BTNL8: variants seen among roughly 807,000 people sequenced by gnomAD.
The protein encoded by BTNL8 is butyrophilin-like protein 8.
BTNL8 carries 22 observed loss-of-function variants against 36.1 expected under a neutral mutation model. The ratio of observed to expected loss-of-function variants is 0.61; its 90% CI spans 0.44 to 0.87. The LOEUF (loss-of-function observed/expected upper bound fraction) is 0.87. Among genes scored for constraint, BTNL8 ranks in the 40% least tolerant of loss-of-function variants. The pLI, the probability that BTNL8 is intolerant of heterozygous loss-of-function variation, is 0.00. For synonymous variants in BTNL8, 203 were observed against 235.6 expected, an observed-to-expected ratio of 0.86 and a Z score of 1.27; for missense variants, 526 against 616.9, an observed-to-expected ratio of 0.85 and a Z score of 1.56.
At chr5:180,923,670 TG>T (rs1177725194) in intron 3 of BTNL8, among the ~76,000 whole-genome samples, 2 of 151,726 alleles carry the variant, frequency 1.3e-5, no homozygotes, top group Non-Finnish European at 2.9e-5. Flanking sequence ...AGAAAGAAAG[TG>T]AAAAAAGAAT....
chr5:180,931,592 G>A (rs1002271819), intron 3 of BTNL8, among the ~76,000 whole-genome samples: 7 of 151,714 alleles, frequency 4.6e-5, no homozygotes, highest in Non-Finnish European at 8.8e-5. Flanking sequence ...GAATCTACAA[G>A]AACTTAAACA....
At chr5:180,900,543 G>C (rs185551139) in intron 1 of BTNL8, among the ~76,000 whole-genome samples, 1 of 152,188 alleles carries the variant, frequency 6.6e-6, no homozygotes, top group Non-Finnish European at 1.5e-5. Flanking sequence ...AGGGCTGGCC[G>C]GAGAAATGGA....
At chr5:180,916,079 G>T (rs1265904338) in intron 3 of BTNL8, among the ~76,000 whole-genome samples, 1 of 152,204 alleles carries the variant, frequency 6.6e-6, no homozygotes, top group Non-Finnish European at 1.5e-5. Flanking sequence ...GGGCCTTCTA[G>T]TTGTGTAATT....
In BTNL8 at chr5:180,906,619, G is replaced by T. The variant is rs1352362025; in HGVS notation, c.50-1967G>T. 3.3e-5 allele frequency among the ~76,000 whole-genome samples: 4 copies of T among 119,718 alleles called. 1 individual carries two copies. Among genetic ancestry groups the T allele is most frequent in the Non-Finnish European group, 6.6e-5 (4 of 60,292 alleles). 78.5% of individuals were successfully genotyped at this position (119,718 alleles called of 152,430 possible). On this transcript the variant is annotated intron_variant, in intron 1 of 7. Transcript: ENST00000340184. ...GTTGATGCAGTTTCTTCCTACTCTC[G>T]ATGGTCTTTACATTTTGGCATGATT... is the stretch of plus-strand genomic sequence containing the variant.
intron 3 of BTNL8, among the ~76,000 whole-genome samples, chr5:180,942,011 G>A (rs957667963): frequency 5.3e-5 from 8 of 151,726 alleles, no homozygotes; most frequent in African/African-American, 1.9e-4. Context: ...AATTGTCCCT[G>A]TTTGCAGACA....
At chr5:180,912,219 G>A (rs1757433033) in intron 3 of BTNL8, among the ~76,000 whole-genome samples, 2 of 152,098 alleles carry the variant, frequency 1.3e-5, no homozygotes, top group South Asian at 4.1e-4. Flanking sequence ...GACACCATTG[G>A]CTCTTCTGGT....
At chr5:180,899,387 C>G (rs142738070) in intron 1 of BTNL8, 28 bp downstream of exon 1, 12 of 1,599,654 alleles carry the variant, frequency 7.5e-6, no homozygotes, top group Non-Finnish European at 1.0e-5. Context: ...TTCCTCCTTA[C>G]TAACTAACAG....
intron 3 of BTNL8, among the ~76,000 whole-genome samples, chr5:180,946,808 A>C (rs1284414341): frequency 5.9e-5 from 9 of 152,200 alleles, no homozygotes; most frequent in Non-Finnish European, 4.4e-5. Context: ...TGGATGTCTT[A>C]ATTAGCTTGA....
Position 180,947,533 on chromosome 5 carries a change from C to A in BTNL8, c.695C>A (p.Ser232Ter), listed in dbSNP as rs368136851. 4.2e-5 allele frequency: 67 copies of A among 1,613,684 alleles called. No individual in the cohort carries two copies. Among genetic ancestry groups the A allele is most frequent in the Non-Finnish European group, 5.5e-5 (65 of 1,179,700 alleles). Reference protein sequence around the residue: ...QIGDTFFEPISWHLATKVLGI... With the variant: ...QIGDTFFEPI ...TCAGATACCTTTTTCGAGCCTATAT[C>A]GTGGCACCTGGCTACCAAAGTACTG... Residue 232 changes from serine to a stop codon, truncating the protein, a stop_gained, in exon 4 of 8, where the codon TCG becomes TAG. Coordinates refer to ENST00000340184, the MANE Select transcript of BTNL8 (RefSeq NM_001040462.3). LOFTEE classifies it high-confidence loss of function.
At chr5:180,929,811 G>A (rs1211042067) in intron 3 of BTNL8, among the ~76,000 whole-genome samples, 1 of 152,144 alleles carries the variant, frequency 6.6e-6, no homozygotes, top group African/African-American at 2.4e-5. Context: ...CTGAAATTCA[G>A]GCAGTAACTA....
chr5:180,910,432 T>C (rs1418508730), intron 2 of BTNL8, among the ~76,000 whole-genome samples: 1 of 152,110 alleles, frequency 6.6e-6, no homozygotes, highest in Admixed American at 6.5e-5. Context: ...CTCACAGACT[T>C]CCTGCTTATC....
intron 3 of BTNL8, among the ~76,000 whole-genome samples, chr5:180,933,263 T>C (rs1758491248): frequency 6.6e-6 from 1 of 152,126 alleles, no homozygotes; most frequent in South Asian, 2.1e-4. Context: ...AGACACACAA[T>C]CAATAAGAAA....
At chr5:180,931,037 C>A (rs1758350113) in intron 3 of BTNL8, among the ~76,000 whole-genome samples, 1 of 152,164 alleles carries the variant, frequency 6.6e-6, no homozygotes, top group African/African-American at 2.4e-5. Flanking sequence ...AAGCTGGAGG[C>A]ATCATGCTAC....
rs1318058151 is a variant in BTNL8, at chr5:180,899,349, G to T, written c.39G>T (p.Lys13Asn). ...TCAGTTTGGTTCTGAGTCTCCTCAA[G>T]CTGGGATCAGGTAAGACTCATCTTT... ...LMLSLVLSLLKLGSGQWQVFG... is the reference protein window; with the variant it reads ...LMLSLVLSLLNLGSGQWQVFG... The change falls in exon 1 of 8, where the codon AAG (lysine) becomes AAT (asparagine). Residue 13 changes from lysine (K) to asparagine (N), a missense_variant. By Grantham distance (94) the Lys-to-Asn change is moderately conservative (BLOSUM62 0). Around this residue, in one of 2 missense-constraint regions of BTNL8, gnomAD observed 350 missense variants for 324.6 expected, o/e 1.08. Transcript: ENST00000340184. 3 of 1,613,870 alleles carry T rather than the reference G, an allele frequency of 1.9e-6. No individual in the cohort carries two copies. The South Asian group carries it at 3.3e-5, about 18-fold the overall frequency.
At chr5:180,906,015 A>G (rs866261324) in intron 1 of BTNL8, among the ~76,000 whole-genome samples, 29 of 143,474 alleles carry the variant, frequency 2.0e-4, no homozygotes, top group Middle Eastern at 3.5e-3. Flanking sequence ...TGCGGTGGAG[A>G]GTTCTGTAGA....
chr5:180,950,504 C>T lies in BTNL8; in HGVS notation c.1463C>T (p.Ser488Leu). Reference protein sequence around the residue: ...IPETSNSESSSQATTPFLPRG... With the variant: ...IPETSNSESSLQATTPFLPRG... Reference sequence around the variant, plus strand: ...GAGACAAGCAACAGTGAGTCCTCCTCACAGGCAACCACGCCCTTCCTCCCC... The same window carrying T: ...GAGACAAGCAACAGTGAGTCCTCCTTACAGGCAACCACGCCCTTCCTCCCC... Residue 488 changes from serine (S) to leucine (L), a missense_variant, in exon 8 of 8, where the codon TCA (serine) becomes TTA (leucine). This residue lies in a region of BTNL8 where 176 missense variants were observed against 292.3 expected (regional missense o/e 0.60). Coordinates refer to ENST00000340184, the MANE Select transcript of BTNL8 (RefSeq NM_001040462.3). The T allele has an allele frequency of 6.8e-7, 1 of 1,463,272 alleles. No homozygotes were observed. The highest frequency in any genetic ancestry group is 1.8e-4 in the Middle Eastern group (1 of 5,696). 90.6% of individuals were successfully genotyped at this position (1,463,272 alleles called of 1,614,324 possible).
intron 3 of BTNL8, among the ~76,000 whole-genome samples, chr5:180,937,465 C>T (rs1460358050): frequency 6.6e-6 from 1 of 152,128 alleles, no homozygotes; most frequent in East Asian, 1.9e-4. Flanking sequence ...CCAACCAACA[C>T]CATAGGACTC....
At chr5:180,904,861 T>C (rs1378527650) in intron 1 of BTNL8, among the ~76,000 whole-genome samples, 1 of 152,202 alleles carries the variant, frequency 6.6e-6, no homozygotes, top group Admixed American at 6.5e-5. Context: ...CAGCCTTGCA[T>C]CCCAGGGATG....
rs758031578 is a variant in BTNL8 at position 180,950,187 on chromosome 5, G to C, written c.1146G>C (p.Leu382=). ...SPDHGYWVLR[L]NGEHLYFTLN... ...ATCATGGGTACTGGGTCCTCAGACT[G>C]AATGGAGAACATTTGTATTTCACAT... The change falls in exon 8 of 8, where the codon CTG becomes CTC. Residue 382 remains leucine, a synonymous_variant. Transcript: ENST00000340184. 5 of 1,463,180 alleles carry C rather than the reference G, an allele frequency of 3.4e-6. No individual in the cohort carries two copies. In the African/African-American group the frequency reaches 6.9e-5, roughly 20 times the overall value. 90.6% of individuals were successfully genotyped at this position (1,463,180 alleles called of 1,614,324 possible). A position where few individuals can be genotyped will look rare whatever the true frequency, so the allele number is the denominator to read the frequency against.
Sources: allele counts gnomAD v4.1 joint callset (sites outside exome capture counted in the v4.1 genomes callset), GRCh38; gene constraint gnomAD v4.1.1; regional missense constraint gnomAD v4.1.1; transcripts MANE v1.5; gene names NCBI Gene and HGNC (gene_info 2026-07-23, HGNC 2026-07-21).